The following TMCC2 variants were observed in gnomAD, a reference collection of about 807,000 sequenced individuals.
TMCC2 encodes the protein transmembrane and coiled-coil domain family 2.
A neutral mutation model predicts 49.4 loss-of-function variants in TMCC2; 16 were observed. The observed-to-expected ratio is 0.32, with a 90% CI of 0.22 to 0.49. TMCC2 has a LOEUF of 0.49. TMCC2 is among the 20% of genes least tolerant of loss of function. TMCC2 has a pLI of 0.99. For missense variants in TMCC2, 762 were observed against 989.8 expected, an observed-to-expected ratio of 0.77 and a Z score of 3.09; for synonymous variants, 397 against 434.1, an observed-to-expected ratio of 0.91 and a Z score of 1.06.
intron 2 of TMCC2, among the ~76,000 whole-genome samples, chr1:205,263,476 A>G (rs1277568757): frequency 6.6e-6 from 1 of 152,112 alleles, no homozygotes; most frequent in East Asian, 1.9e-4. Context: ...GGATTGCTTA[A>G]GCCCAGGAGT....
intron 2 of TMCC2, chr1:205,257,110 G>C: frequency 8.3e-7 from 1 of 1,210,058 alleles, no homozygotes; most frequent in Non-Finnish European, 1.0e-6. Flanking sequence ...CCTGTCTCCT[G>C]CCAGATGGGA....
chr1:205,257,220 T>C (rs920122555), intron 2 of TMCC2: 1 of 1,232,148 alleles, frequency 8.1e-7, no homozygotes, highest in African/African-American at 1.6e-5. Flanking sequence ...GGCTGCAGAG[T>C]CTGGGAACTC....
chr1:205,230,035 G>C, intron 1 of TMCC2: 6 of 985,428 alleles, frequency 6.1e-6, no homozygotes, highest in Non-Finnish European at 7.2e-6. Context: ...TCTGGGCTAG[G>C]GAAACGGAAA....
Position 205,269,283 on chromosome 1 carries a change from C to T in TMCC2, c.1081C>T (p.Leu361=). ...GAAGCTGGAGCACTACCGCCGGCGC[C>T]TGAAGGAGATTGAGCAGAACGGGCC... The part of the protein sequence containing the change: ...HKKLEHYRRR[L]KEIEQNGPSR... The change falls in exon 3 of 5, where the codon CTG becomes TTG. Residue 361 remains leucine, a synonymous_variant. Transcript: ENST00000358024. 6.2e-7 allele frequency: 1 copy of T among 1,613,786 alleles called. No homozygotes were observed. Among genetic ancestry groups the T allele is most frequent in the African/African-American group, 1.3e-5 (1 of 75,062 alleles).
chr1:205,229,153 TTGTG>T (rs56153352), intron 1 of TMCC2: 118,397 of 535,160 alleles, frequency 0.22, 9,028 homozygotes, highest in Admixed American at 0.32. Flanking sequence ...ATTGGGATCT[TTGTG>T]TGTGTGTGTG....
At chr1:205,256,272 C>T in intron 2 of TMCC2, 2 of 1,542,116 alleles carry the variant, frequency 1.3e-6, no homozygotes, top group Non-Finnish European at 8.7e-7. Context: ...AGAGATCCAG[C>T]AGGCCCCAGG....
chr1:205,231,274 G>C (rs1659788167), intron 1 of TMCC2, among the ~76,000 whole-genome samples: 1 of 151,972 alleles, frequency 6.6e-6, no homozygotes. Context: ...AAGGGACTAG[G>C]AATATCGGAG....
chr1:205,246,813 GC>G, intron 2 of TMCC2: 1 of 1,065,092 alleles, frequency 9.4e-7, no homozygotes, highest in Non-Finnish European at 1.3e-6. Flanking sequence ...GTTGCCTAGG[GC>G]TCCCATGAAG....
At chr1:205,256,728 T>C (rs1364746466) in intron 2 of TMCC2, among the ~76,000 whole-genome samples, 1 of 152,194 alleles carries the variant, frequency 6.6e-6, no homozygotes, top group Non-Finnish European at 1.5e-5. Context: ...GGAGCCCCCC[T>C]CCAGGCTCTA....
chr1:205,260,709 A>G (rs918015156), intron 2 of TMCC2, among the ~76,000 whole-genome samples: 1 of 113,712 alleles, frequency 8.8e-6, no homozygotes, highest in African/African-American at 3.3e-5. Flanking sequence ...GCCCCCTGGC[A>G]GCCACTAATC....
intron 2 of TMCC2, among the ~76,000 whole-genome samples, chr1:205,246,149 A>G (rs1199728198): frequency 1.3e-5 from 2 of 151,940 alleles, no homozygotes; most frequent in Non-Finnish European, 2.9e-5. Context: ...TCAAGCCACA[A>G]AGGTTTCTGA....
chr1:205,228,388 C>A lies in TMCC2; in HGVS notation c.-177C>A. On this transcript the variant is annotated 5_prime_UTR_variant, in exon 1 of 5. Transcript: ENST00000358024. The stretch of plus-strand genomic sequence containing the variant: ...CTATAACCAAGGCTCCCCCTTCTCG[C>A]CCCTCCCTCACCCGCCTTTAAGAAT... 1.8e-6 allele frequency: 1 copy of A among 564,380 alleles called. No homozygotes were observed. Among genetic ancestry groups the A allele is most frequent in the Non-Finnish European group, 3.1e-6 (1 of 320,480 alleles). 35.0% of individuals were successfully genotyped at this position (564,380 alleles called of 1,614,324 possible). A position where few individuals can be genotyped will look rare whatever the true frequency, so the allele number is the denominator to read the frequency against.
chr1:205,250,335 G>A (rs11240400), intron 2 of TMCC2, among the ~76,000 whole-genome samples: 3,325 of 152,186 alleles, frequency 0.022, 119 homozygotes, highest in African/African-American at 0.076. Context: ...GAGGTCAGGC[G>A]TCCGAGACCA....
intron 2 of TMCC2, among the ~76,000 whole-genome samples, chr1:205,248,704 C>T (rs1660550739): frequency 6.6e-6 from 1 of 152,018 alleles, no homozygotes; most frequent in Non-Finnish European, 1.5e-5. Flanking sequence ...GAGGTCCCCA[C>T]CCTCTTCTCC....
rs1281821493 is a variant in TMCC2 at position 205,228,539 on chromosome 1, A to G, written c.-26A>G. ...CCAAGACGGCGCGCTGGAAGGACAGATTCCCCTTGCCGACCCACATACACC... is the reference window on the plus strand; with the variant it reads ...CCAAGACGGCGCGCTGGAAGGACAGGTTCCCCTTGCCGACCCACATACACC... On this transcript the variant is annotated 5_prime_UTR_variant, in exon 1 of 5. Transcript: ENST00000358024. The G allele has an allele frequency of 1.3e-6, 2 of 1,578,660 alleles. No individual in the cohort carries two copies. The highest frequency in any genetic ancestry group is 1.3e-5 in the African/African-American group (1 of 74,110).
Position 205,228,476 on chromosome 1 carries a change from C to T in TMCC2, c.-89C>T. The T allele has an allele frequency of 8.8e-7, 1 of 1,135,622 alleles. No homozygotes were observed. The highest frequency in any genetic ancestry group is 1.3e-6 in the Non-Finnish European group (1 of 797,732). 70.3% of individuals were successfully genotyped at this position (1,135,622 alleles called of 1,614,324 possible). A position where few individuals can be genotyped will look rare whatever the true frequency, so the allele number is the denominator to read the frequency against. On this transcript the variant is annotated 5_prime_UTR_variant, in exon 1 of 5. Transcript: ENST00000358024. ...CCCTCCTTGTTAATAATTTAGACCCCAGGCCTCATATGAATATAAGAGGGG... is the reference window on the plus strand; with the variant it reads ...CCCTCCTTGTTAATAATTTAGACCCTAGGCCTCATATGAATATAAGAGGGG...
At chr1:205,248,375 C>T (rs983635253) in intron 2 of TMCC2, among the ~76,000 whole-genome samples, 4 of 152,212 alleles carry the variant, frequency 2.6e-5, no homozygotes, top group African/African-American at 9.7e-5. Flanking sequence ...CACCACTGCA[C>T]TCCAGCCTGG....
intron 2 of TMCC2, among the ~76,000 whole-genome samples, chr1:205,261,196 CTTTTTTT>C (rs34247734): frequency 5.2e-5 from 5 of 95,272 alleles, no homozygotes; most frequent in African/African-American, 8.3e-5. Context: ...CACTTATTTC[CTTTTTTT>C]TTTTTTTTTT....
intron 1 of TMCC2, among the ~76,000 whole-genome samples, chr1:205,234,889 C>G (rs908187105): frequency 6.6e-6 from 1 of 152,002 alleles, no homozygotes; most frequent in Non-Finnish European, 1.5e-5. Flanking sequence ...AAACTCCTGA[C>G]CTCAGGTGAT....
Sources: allele counts gnomAD v4.1 joint callset (sites outside exome capture counted in the v4.1 genomes callset), GRCh38; gene constraint gnomAD v4.1.1; transcripts MANE v1.5; gene names NCBI Gene and HGNC (gene_info 2026-07-23, HGNC 2026-07-21).